The following CFAP74 variants were observed in gnomAD, a reference collection of about 807,000 sequenced individuals.
CFAP74 encodes the protein cilia and flagella associated protein 74, also known as cilia- and flagella-associated protein 74.
A neutral mutation model predicts 188.9 loss-of-function variants in CFAP74; 124 were observed. The observed-to-expected ratio is 0.66, with a 90% CI of 0.57 to 0.76. The LOEUF (loss-of-function observed/expected upper bound fraction) is 0.76, where lower values mean the gene tolerates loss of function less well. Among genes scored for constraint, CFAP74 ranks in the 30% least tolerant of loss-of-function variants. CFAP74 has a pLI of 0.00. For synonymous variants in CFAP74, 956 were observed against 916.7 expected, an observed-to-expected ratio of 1.04 and a Z score of -0.77; for missense variants, 2,198 against 2,165.2, an observed-to-expected ratio of 1.02 and a Z score of -0.30.
intron 3 of CFAP74, 27 bp from the exon 4 acceptor site, chr1:1,988,682 C>T: frequency 6.2e-7 from 1 of 1,601,456 alleles, no homozygotes; most frequent in South Asian, 1.1e-5. Flanking sequence ...CGTCAGCTGC[C>T]ACCACCCCAG....
In CFAP74 at chr1:1,986,922, G is replaced by C. The variant is rs745494190; in HGVS notation, c.395+15C>G. ...CTCATGCCCGGTTCCCTGCCCCCTG[G>C]CGAGGGCCACCTACATGTTGCCCGC... On this transcript the variant is annotated intron_variant, in intron 5 of 38. Transcript: ENST00000682832. 6.3e-7 allele frequency: 1 copy of C among 1,596,156 alleles called. No homozygotes were observed. Among genetic ancestry groups the C allele is most frequent in the Admixed American group, 1.7e-5 (1 of 59,840 alleles).
At chr1:1,922,841 C>T in intron 37 of CFAP74, 118 bp from the exon 38 acceptor site, 2 of 1,478,054 alleles carry the variant, frequency 1.4e-6, no homozygotes, top group South Asian at 1.3e-5. Flanking sequence ...GGCTGCCCAC[C>T]CCACAGCTGC....
intron 5 of CFAP74, among the ~76,000 whole-genome samples, chr1:1,986,481 C>T (rs576610848): frequency 1.3e-5 from 2 of 152,306 alleles, no homozygotes; most frequent in African/African-American, 4.8e-5. Flanking sequence ...TCGGCAGGCC[C>T]TGCAGGCACC....
At position 1,939,096 on chromosome 1, in the gene CFAP74, G is replaced by A. The variant is rs111437079; in HGVS notation, c.2878-108C>T. 2.4e-3 allele frequency: 2,782 copies of A among 1,178,388 alleles called. 61 individuals are homozygous for A. The African/African-American group carries it at 0.038, about 16-fold the overall frequency. The allele number at this position is 1,178,388 out of a possible 1,614,324, so 73.0% of individuals were successfully genotyped here. On this transcript the variant is annotated intron_variant, in intron 24 of 38. Transcript: ENST00000682832. Reference sequence around the variant, plus strand: ...AAGAGATGAGTGTGATCGTGTGTGAGCGAATGTGAGGGTGAGAGTGTCGCT... The same window carrying A: ...AAGAGATGAGTGTGATCGTGTGTGAACGAATGTGAGGGTGAGAGTGTCGCT...
chr1:1,993,852 G>C (rs910761946), intron 1 of CFAP74, among the ~76,000 whole-genome samples: 1 of 150,930 alleles, frequency 6.6e-6, no homozygotes, highest in African/African-American at 2.4e-5. Flanking sequence ...CGTGGTGGCG[G>C]GCGCCTATAG....
chr1:1,930,741 A>G (rs1234154961), intron 25 of CFAP74, among the ~76,000 whole-genome samples: 1 of 152,102 alleles, frequency 6.6e-6, no homozygotes, highest in Non-Finnish European at 1.5e-5. Context: ...TTTAATCACA[A>G]GTTTAGATAG....
At chr1:1,987,078 T>G in intron 4 of CFAP74, 43 bp from the exon 5 acceptor site, 1 of 1,525,500 alleles carries the variant, frequency 6.6e-7, no homozygotes, top group Non-Finnish European at 8.9e-7. Flanking sequence ...TCCCTGAAAC[T>G]CCAGCCTCCA....
At chr1:1,941,714 T>C (rs371252403) in intron 22 of CFAP74, among the ~76,000 whole-genome samples, 8 of 152,306 alleles carry the variant, frequency 5.3e-5, no homozygotes, top group African/African-American at 1.9e-4. Context: ...TCAGTGGCCA[T>C]GAGAGCCACC....
intron 5 of CFAP74, 49 bp downstream of exon 5, chr1:1,986,888 G>A (rs371644741): frequency 6.9e-5 from 104 of 1,508,258 alleles, no homozygotes; most frequent in Non-Finnish European, 8.4e-5. Context: ...GTGAACCTCC[G>A]GCCCTGACCT....
Position 1,960,004 on chromosome 1 carries a change from G to A in CFAP74, c.1721C>T (p.Ala574Val), listed in dbSNP as rs1654959561. Residue 574 changes from alanine (A) to valine (V), a missense_variant, in exon 15 of 39, where the codon GCC becomes GTC. Physicochemically the swap from Ala to Val is moderately conservative, Grantham distance 64 (BLOSUM62 0). Transcript: ENST00000682832. ...VDFDPPGPLS[A>V]GMSCEVLVTF... ...GACAAGCACTTCACAGGACATTCCGGCTGACAGGGGGCCAGGGGGGTCAAA... is the reference window on the plus strand; with the variant it reads ...GACAAGCACTTCACAGGACATTCCGACTGACAGGGGGCCAGGGGGGTCAAA... The A allele has an allele frequency of 6.3e-7, 1 of 1,595,080 alleles. No homozygotes were observed. Among genetic ancestry groups the A allele is most frequent in the East Asian group, 2.4e-5 (1 of 42,368 alleles).
intron 25 of CFAP74, 93 bp from the exon 26 acceptor site, chr1:1,930,429 C>G (rs553890235): frequency 7.9e-7 from 1 of 1,268,364 alleles, no homozygotes; most frequent in Non-Finnish European, 1.1e-6. Context: ...GGACAAGCCC[C>G]GGGGGGGGCT....
chr1:1,985,518 G>T, intron 5 of CFAP74, 28 bp from the exon 6 acceptor site: 1 of 1,569,254 alleles, frequency 6.4e-7, no homozygotes, highest in Non-Finnish European at 8.8e-7. Flanking sequence ...CAGGCCGGGC[G>T]TGTGTCAGGC....
intron 18 of CFAP74, among the ~76,000 whole-genome samples, chr1:1,952,376 A>T (rs888094320): frequency 1.3e-5 from 2 of 152,066 alleles, no homozygotes; most frequent in Non-Finnish European, 2.9e-5. Flanking sequence ...AAAAGAAACA[A>T]AAAAGCAAGA....
rs187393021 is a variant in CFAP74 at position 1,979,852 on chromosome 1, C to T, written c.500+5534G>A. ...TGGTACTGACCTGGGTGTGGGAAGGCGTCACATGACGAAGCTGCGCAGAAC... is the reference window on the plus strand; with the variant it reads ...TGGTACTGACCTGGGTGTGGGAAGGTGTCACATGACGAAGCTGCGCAGAAC... On this transcript the variant is annotated intron_variant, in intron 6 of 38. Transcript: ENST00000682832. Among the ~76,000 whole-genome samples, 7 of 81,004 alleles carry T rather than the reference C, an allele frequency of 8.6e-5. 1 individual carries two copies. In the South Asian group the frequency reaches 1.3e-3, roughly 16 times the overall value. 53.1% of individuals were successfully genotyped at this position (81,004 alleles called of 152,430 possible).
chr1:1,938,291 T>A (rs1558001634), intron 25 of CFAP74, among the ~76,000 whole-genome samples: 1 of 150,382 alleles, frequency 6.6e-6, no homozygotes, highest in African/African-American at 2.5e-5. Context: ...GCACTCACAC[T>A]CAACCTTACA....
At position 1,923,675 on chromosome 1, in the gene CFAP74, G is replaced by A; in HGVS notation, c.4389+100C>T. 1 of 1,569,220 alleles carries A rather than the reference G, an allele frequency of 6.4e-7. No homozygotes were observed. Among genetic ancestry groups the A allele is most frequent in the South Asian group, 1.1e-5 (1 of 89,286 alleles). Reference sequence around the variant, plus strand: ...TGTGGTGCTGAGTCCCCCAGCCATGGTACCCTCAGGGCCTCCAAAGTGGAG... The same window carrying A: ...TGTGGTGCTGAGTCCCCCAGCCATGATACCCTCAGGGCCTCCAAAGTGGAG... On this transcript the variant is annotated intron_variant, in intron 35 of 38. Transcript: ENST00000682832. This position sits in a 1 kb window ranked among gnomAD's most constrained non-coding sequence, Gnocchi z 6.3.
chr1:1,949,356 T>C (rs1288853644), intron 18 of CFAP74, among the ~76,000 whole-genome samples: 1 of 151,964 alleles, frequency 6.6e-6, no homozygotes. Flanking sequence ...GATGGGGTTT[T>C]GCCATGTTGC....
intron 1 of CFAP74, among the ~76,000 whole-genome samples, chr1:1,998,190 A>G (rs556297918): frequency 6.6e-6 from 1 of 152,238 alleles, no homozygotes; most frequent in East Asian, 1.9e-4. Flanking sequence ...AGGCAGAAGA[A>G]TCACTTGAAT....
At position 1,923,059 on chromosome 1, in the gene CFAP74, CTG is replaced by C. The variant is rs1262767670; in HGVS notation, c.4607_4608del (p.Thr1536ArgfsTer28). On this transcript the variant is annotated frameshift_variant, in exon 37 of 39. Coordinates refer to ENST00000682832, the MANE Select transcript of CFAP74 (RefSeq NM_001304360.2). LOFTEE classifies it high-confidence loss of function. This position sits in a 1 kb window ranked among gnomAD's most constrained non-coding sequence, Gnocchi z 6.3. ...CGGGTGGCAGGTGGGGCTGGCGTGT[CTG>C]TGTCAAACTGGATGTAGTCCAGGGT... The part of the protein sequence containing the change: ...LVTLDYIQFD[T>X]DTPAPPATRE... 6.2e-7 allele frequency: 1 copy of C among 1,609,194 alleles called. No homozygotes were observed. The highest frequency in any genetic ancestry group is 1.1e-5 in the South Asian group (1 of 90,632).
Sources: gnomAD v4.1 joint callset for allele counts (sites outside exome capture counted in the v4.1 genomes callset) on GRCh38, gnomAD v4.1.1 for gene constraint, Gnocchi (gnomAD v3.1) non-coding constraint, MANE v1.5 for transcripts, NCBI Gene and HGNC (gene_info 2026-07-23, HGNC 2026-07-21) for gene names.